Variants in PTK2 observed in about 807,000 individuals in gnomAD.
PTK2 encodes focal adhesion kinase 1.
In PTK2, 45 loss-of-function variants were observed where a neutral mutation model predicts 150.1. The ratio of observed to expected loss-of-function variants is 0.30; its 90% confidence interval spans 0.24 to 0.38. PTK2 has a LOEUF of 0.38. Ranked by LOEUF, PTK2 falls within the 10% of genes least tolerant of loss-of-function variation. The pLI, the probability that PTK2 is intolerant of heterozygous loss-of-function variation, is 1.00. For missense variants in PTK2, 919 were observed against 1,307.3 expected (o/e 0.70, Z 4.58); for synonymous variants, 432 against 449.2 (o/e 0.96, Z 0.48).
chr8:140,740,974 C>T (rs958002961), intron 20 of PTK2, among the ~76,000 whole-genome samples: 2 of 151,330 alleles, frequency 1.3e-5, no homozygotes, highest in Non-Finnish European at 2.9e-5. Context: ...GAGATCTCAT[C>T]TCTACAAAAA....
intron 4 of PTK2, among the ~76,000 whole-genome samples, chr8:140,873,244 G>C (rs1356121316): frequency 6.6e-6 from 1 of 152,196 alleles, no homozygotes; most frequent in Non-Finnish European, 1.5e-5. Flanking sequence ...TAGCAGTGCA[G>C]GTAAAAGACT....
At chr8:140,678,662 A>G (rs537773270) in intron 27 of PTK2, among the ~76,000 whole-genome samples, 1 of 152,284 alleles carries the variant, frequency 6.6e-6, no homozygotes, top group East Asian at 1.9e-4. Flanking sequence ...CCAAAGCTGC[A>G]GTTTTAAGTA....
chr8:140,761,323 C>G lies in PTK2; in HGVS notation c.1235-61G>C, dbSNP rs540271018. 22 of 1,285,804 alleles carry G rather than the reference C, an allele frequency of 1.7e-5. No individual in the cohort carries two copies. The East Asian group carries it at 3.2e-4, about 19-fold the overall frequency. The allele number at this position is 1,285,804 out of a possible 1,614,324, so 79.6% of individuals were successfully genotyped here. ...AAATATTCCAAATGTAGAAATAACA[C>G]TTGACGTATTTCTTGATCATCCATA... On this transcript the variant is annotated intron_variant, in intron 15 of 31. Coordinates refer to ENST00000522684, the Ensembl canonical transcript of PTK2.
chr8:140,821,602 G>A (rs930113987), intron 8 of PTK2: 1 of 152,246 alleles, frequency 6.6e-6, no homozygotes, highest in African/African-American at 2.4e-5. Flanking sequence ...GCTCAGGAGA[G>A]GGCAGCACTG....
At chr8:140,986,666 C>T (rs897533931) in intron 1 of PTK2, among the ~76,000 whole-genome samples, 1 of 152,192 alleles carries the variant, frequency 6.6e-6, no homozygotes, top group Non-Finnish European at 1.5e-5. Flanking sequence ...AGGCTACACA[C>T]CTCCAGAGAG....
chr8:140,711,198 C>A (rs1465396208), intron 23 of PTK2, among the ~76,000 whole-genome samples: 1 of 152,234 alleles, frequency 6.6e-6, no homozygotes, highest in Admixed American at 6.5e-5. Flanking sequence ...CCTCTGCCTC[C>A]TGAGTTTAAG....
chr8:140,674,333 T>C, exon 29 of PTK2: 1 of 1,608,116 alleles, frequency 6.2e-7, no homozygotes, highest in Non-Finnish European at 8.5e-7. Context: ...GCAGGGCTGC[T>C]GAGGCTGGCA....
intron 16 of PTK2, among the ~76,000 whole-genome samples, chr8:140,759,530 TAAAAAAAAAAA>T (rs761643170): frequency 6.9e-5 from 4 of 58,064 alleles, no homozygotes; most frequent in Non-Finnish European, 1.2e-4. Context: ...GACCCTGTCC[TAAAAAAAAAAA>T]AAAAAAAAAA....
intron 3 of PTK2, among the ~76,000 whole-genome samples, chr8:140,881,604 C>T (rs1042160565): frequency 1.3e-5 from 2 of 152,220 alleles, no homozygotes; most frequent in African/African-American, 4.8e-5. Flanking sequence ...CCATCTGCCT[C>T]AGGTCACTTG....
At chr8:140,850,838 G>A (rs2100128866) in intron 5 of PTK2, among the ~76,000 whole-genome samples, 2 of 152,328 alleles carry the variant, frequency 1.3e-5, no homozygotes, top group South Asian at 4.1e-4. Context: ...TAGAATGAAT[G>A]AAGCACAGGT....
chr8:140,928,227 A>G (rs922288858), intron 1 of PTK2, among the ~76,000 whole-genome samples: 17 of 151,996 alleles, frequency 1.1e-4, no homozygotes, highest in Non-Finnish European at 2.2e-4. Flanking sequence ...ATTCTATCTA[A>G]AAATTTGTAT....
chr8:140,725,578 T>C (rs1487326037), intron 22 of PTK2, among the ~76,000 whole-genome samples: 2 of 152,112 alleles, frequency 1.3e-5, no homozygotes, highest in Non-Finnish European at 2.9e-5. Flanking sequence ...CAATTATAGC[T>C]AGCAAAAAGG....
intron 14 of PTK2, among the ~76,000 whole-genome samples, chr8:140,787,279 T>C (rs1036832586): frequency 6.6e-6 from 1 of 152,214 alleles, no homozygotes; most frequent in South Asian, 2.1e-4. Context: ...TTAGCAGCTA[T>C]GTAACCTTGG....
chr8:140,852,567 G>A (rs1480843977), intron 5 of PTK2, among the ~76,000 whole-genome samples: 1 of 152,034 alleles, frequency 6.6e-6, no homozygotes. Flanking sequence ...GGTAATTACT[G>A]GACTGTATAC....
rs900386347 is a variant in PTK2 at position 140,719,503 on chromosome 8, G to A, written c.2031-1794C>T. On this transcript the variant is annotated intron_variant, in intron 22 of 31. Transcript: ENST00000522684. ...CTGAGAGGGCCACTCTCTCTGCCCT[G>A]CCCCTCCAATCAGAAGAGCGCTCCC... Among the ~76,000 whole-genome samples, 3 of 152,188 alleles carry A rather than the reference G, an allele frequency of 2.0e-5. No homozygotes were observed. In the South Asian group the frequency reaches 6.2e-4, roughly 32 times the overall value.
At chr8:140,663,078 T>C in intron 31 of PTK2, 1 of 252,692 alleles carries the variant, frequency 4.0e-6, no homozygotes, top group Non-Finnish European at 7.5e-6. Context: ...GACAGTGCAT[T>C]ACATCATGTT....
intron 4 of PTK2, among the ~76,000 whole-genome samples, chr8:140,868,042 C>T (rs1269430967): frequency 6.6e-6 from 1 of 152,312 alleles, no homozygotes. Context: ...CAAATAAAAT[C>T]ATTCTTTCGT....
At chr8:140,774,905 A>G (rs1450876169) in intron 14 of PTK2, among the ~76,000 whole-genome samples, 1 of 152,240 alleles carries the variant, frequency 6.6e-6, no homozygotes, top group Admixed American at 6.5e-5. Flanking sequence ...AGGAACCCTC[A>G]GTTCTGGGAA....
chr8:140,842,154 T>C (rs1330076916), intron 7 of PTK2, among the ~76,000 whole-genome samples: 4 of 152,110 alleles, frequency 2.6e-5, no homozygotes, highest in Non-Finnish European at 1.5e-5. Flanking sequence ...GGATATTTAT[T>C]AAAACTATGA....
Sources: gnomAD v4.1 joint callset for allele counts (sites outside exome capture counted in the v4.1 genomes callset) on GRCh38, gnomAD v4.1.1 for gene constraint, MANE v1.5 for transcripts, NCBI Gene and HGNC (gene_info 2026-07-23, HGNC 2026-07-21) for gene names.